TNFRSF10A: variants seen among roughly 807,000 people sequenced by gnomAD.
TNFRSF10A encodes the protein TNF receptor superfamily member 10a.
In TNFRSF10A, 44 loss-of-function variants were observed where a neutral mutation model predicts 42.8. The observed-to-expected ratio is 1.03, with a 90% CI of 0.81 to 1.32. The LOEUF is 1.32. Among genes scored for constraint, TNFRSF10A ranks in the 40% most tolerant of loss-of-function variants. The pLI is 0.00. For synonymous variants in TNFRSF10A, 259 were observed against 234.2 expected (o/e 1.11, Z -0.97); for missense variants, 680 against 602.0 (o/e 1.13, Z -1.36).
At chr8:23,220,102 AC>A (rs1355786773) in intron 1 of TNFRSF10A, among the ~76,000 whole-genome samples, 1 of 152,110 alleles carries the variant, frequency 6.6e-6, no homozygotes, top group African/African-American at 2.4e-5. Context: ...TACAAAGCAG[AC>A]CCTTTCTCCT....
At chr8:23,199,607 T>C (rs531794530) in intron 7 of TNFRSF10A, among the ~76,000 whole-genome samples, 159 bp from the exon 8 acceptor site, 1 of 152,244 alleles carries the variant, frequency 6.6e-6, no homozygotes, top group Admixed American at 6.5e-5. Context: ...GGCCAGGCCC[T>C]GGTGCTGGGC....
intron 7 of TNFRSF10A, 95 bp downstream of exon 7, chr8:23,199,791 T>C: frequency 6.4e-7 from 1 of 1,557,078 alleles, no homozygotes; most frequent in Non-Finnish European, 8.9e-7. Context: ...AGGGCAGCCA[T>C]GAGAGCACGG....
At chr8:23,223,312 G>T (rs1327163536) in intron 1 of TNFRSF10A, among the ~76,000 whole-genome samples, 1 of 152,154 alleles carries the variant, frequency 6.6e-6, no homozygotes, top group Non-Finnish European at 1.5e-5. Context: ...TGATCCGCCC[G>T]CCTCGGCCTC....
chr8:23,210,330 G>T (rs1433905129), intron 2 of TNFRSF10A, among the ~76,000 whole-genome samples: 1 of 152,158 alleles, frequency 6.6e-6, no homozygotes, highest in Non-Finnish European at 1.5e-5. Context: ...CGATTCTTAT[G>T]AATATTGTTG....
At chr8:23,221,095 G>A (rs549708778) in intron 1 of TNFRSF10A, among the ~76,000 whole-genome samples, 4 of 152,294 alleles carry the variant, frequency 2.6e-5, no homozygotes, top group African/African-American at 9.6e-5. Context: ...CCCAAGCTCA[G>A]AGAGCCAGTA....
intron 3 of TNFRSF10A, among the ~76,000 whole-genome samples, chr8:23,202,426 G>T (rs1401840143): frequency 6.6e-6 from 1 of 152,192 alleles, no homozygotes; most frequent in Non-Finnish European, 1.5e-5. Flanking sequence ...CTGTAATGAT[G>T]CCCCTACCCT....
intron 1 of TNFRSF10A, among the ~76,000 whole-genome samples, chr8:23,219,379 C>T (rs1419517298): frequency 7.3e-6 from 1 of 136,712 alleles, no homozygotes; most frequent in African/African-American, 2.7e-5. Context: ...CCCGAAGAGT[C>T]CTGTGGACTC....
intron 2 of TNFRSF10A, among the ~76,000 whole-genome samples, chr8:23,203,294 T>G (rs73222589): frequency 6.6e-6 from 1 of 152,184 alleles, no homozygotes; most frequent in Non-Finnish European, 1.5e-5. Flanking sequence ...GAGCTCTTGG[T>G]CAGTAGAAGG....
At chr8:23,201,150 C>G (rs1039328929) in intron 4 of TNFRSF10A, among the ~76,000 whole-genome samples, 1 of 152,204 alleles carries the variant, frequency 6.6e-6, no homozygotes, top group Non-Finnish European at 1.5e-5. Flanking sequence ...AGCCCTCGCC[C>G]CCACCTGTCT....
Position 23,224,789 on chromosome 8 carries a change from G to C in TNFRSF10A, c.273C>G (p.Thr91=), listed in dbSNP as rs749547086. The part of the protein sequence containing the change: ...EASPRLRVHK[T]FKFVVVGVLL... ...GGACCCCGACGACGACAAACTTGAA[G>C]GTCTTGTGGACCCGGAGCCGAGGGC... Residue 91 remains threonine (T), a synonymous_variant, in exon 1 of 10, where the codon ACC becomes ACG. Coordinates refer to ENST00000221132, the MANE Select transcript of TNFRSF10A (RefSeq NM_003844.4). 1.3e-6 allele frequency: 2 copies of C among 1,569,822 alleles called. No homozygotes were observed. Among genetic ancestry groups the C allele is most frequent in the Admixed American group, 1.9e-5 (1 of 52,650 alleles).
chr8:23,219,326 C>T lies in TNFRSF10A; in HGVS notation c.306+5430G>A, dbSNP rs1793074389. Among the ~76,000 whole-genome samples, 10 of 148,572 alleles carry T rather than the reference C, an allele frequency of 6.7e-5. 1 individual carries two copies. The South Asian group carries it at 1.7e-3, about 26-fold the overall frequency. On this transcript the variant is annotated intron_variant, in intron 1 of 9. Coordinates refer to ENST00000221132, the MANE Select transcript of TNFRSF10A (RefSeq NM_003844.4). ...GAGCCCAGTGGTGGCCTCAGCTCAC[C>T]GCCTCAGGTCACAGGTTCCAGGCTA...
rs1800863080 is a variant in TNFRSF10A at position 23,198,728 on chromosome 8, C to CATGTGTGT, written c.1014+537_1014+538insACACACAT. Among the ~76,000 whole-genome samples the CATGTGTGT allele has an allele frequency of 7.9e-5, 12 of 152,002 alleles. No individual in the cohort carries two copies. In the South Asian group the frequency reaches 2.5e-3, roughly 32 times the overall value. On this transcript the variant is annotated intron_variant, in intron 8 of 9. Transcript: ENST00000221132. ...ATGTGTGTACCTGTATGTGTGGGTA[C>CATGTGTGT]GTGCATGTGTGTGTGCATGTGTGTA...
At chr8:23,210,542 C>T (rs970230551) in intron 2 of TNFRSF10A, among the ~76,000 whole-genome samples, 3 of 151,984 alleles carry the variant, frequency 2.0e-5, no homozygotes, top group South Asian at 2.1e-4. Flanking sequence ...ATTAGCTGGG[C>T]GTGGTGGCAG....
chr8:23,214,726 A>G (rs1801151804), intron 1 of TNFRSF10A, among the ~76,000 whole-genome samples: 1 of 152,220 alleles, frequency 6.6e-6, no homozygotes, highest in Non-Finnish European at 1.5e-5. Flanking sequence ...GGCAGTGTTC[A>G]CATACACACA....
chr8:23,221,086 C>T (rs1344024116), intron 1 of TNFRSF10A, among the ~76,000 whole-genome samples: 1 of 152,174 alleles, frequency 6.6e-6, no homozygotes, highest in African/African-American at 2.4e-5. Context: ...ACCTTCTGCC[C>T]CAAGCTCAGA....
chr8:23,190,778 A>C lies in TNFRSF10A; in HGVS notation c.*916T>G, dbSNP rs1339526374. The C allele has an allele frequency of 6.6e-6, 1 of 152,230 alleles. No homozygotes were observed. Among genetic ancestry groups the C allele is most frequent in the East Asian group, 1.9e-4 (1 of 5,194 alleles). 9.4% of individuals were successfully genotyped at this position (152,230 alleles called of 1,614,324 possible). On this transcript the variant is annotated 3_prime_UTR_variant, in exon 10 of 10. Transcript: ENST00000221132. ...AAGTTCCACAACAGGCCATCTGCAC[A>C]GCAGAGACCCTGAAATGCTGGAAGC...
At position 23,217,792 on chromosome 8, in the gene TNFRSF10A, T is replaced by A. The variant is rs182708645; in HGVS notation, c.307-5580A>T. Among the ~76,000 whole-genome samples the A allele has an allele frequency of 3.5e-4, 54 of 152,174 alleles. 1 individual carries two copies. Among genetic ancestry groups the A allele is most frequent in the Middle Eastern group, 6.8e-3 (2 of 294 alleles). On this transcript the variant is annotated intron_variant, in intron 1 of 9. Coordinates refer to ENST00000221132, the MANE Select transcript of TNFRSF10A (RefSeq NM_003844.4). ...ACGCTGTGCAAGGAATCGTGGGGTA[T>A]CAAGAAAAAGGCACGACCCTCCCTT...
chr8:23,220,925 G>C (rs1219256510), intron 1 of TNFRSF10A, among the ~76,000 whole-genome samples: 1 of 152,202 alleles, frequency 6.6e-6, no homozygotes, highest in Admixed American at 6.5e-5. Context: ...ACTGCAACCA[G>C]TGCCGGGTGC....
chr8:23,199,226 C>A (rs749830162), intron 8 of TNFRSF10A, 40 bp downstream of exon 8: 11 of 1,590,062 alleles, frequency 6.9e-6, no homozygotes, highest in African/African-American at 6.7e-5. Context: ...GCCTTCACCC[C>A]CTGCCTACAA....
Sources: allele counts gnomAD v4.1 joint callset (sites outside exome capture counted in the v4.1 genomes callset), GRCh38; gene constraint gnomAD v4.1.1; transcripts MANE v1.5; gene names NCBI Gene and HGNC (gene_info 2026-07-23, HGNC 2026-07-21).